ZNF770: variants seen among roughly 807,000 people sequenced by gnomAD.
The protein encoded by ZNF770 is zinc finger protein 770.
A neutral mutation model predicts 44.8 loss-of-function variants in ZNF770; 13 were observed. The ratio of observed to expected loss-of-function variants is 0.29; its 90% confidence interval spans 0.19 to 0.46. ZNF770 has a LOEUF of 0.46. Ranked by LOEUF, ZNF770 falls within the 20% of genes least tolerant of loss-of-function variation. The pLI, the probability that ZNF770 is intolerant of heterozygous loss-of-function variation, is 1.00. For synonymous variants in ZNF770, 304 were observed against 271.8 expected (o/e 1.12, Z -1.17); for missense variants, 681 against 797.9 (o/e 0.85, Z 1.77).
rs1472838664 is a variant in ZNF770, at chr15:34,988,234, G to A, written c.-292C>T. ...GAGGGCCCGGGAGGCACGCACCTCA[G>A]GCCCAGGTGCCGCGAAGGCAGCGCG... On this transcript the variant is annotated 5_prime_UTR_variant, in exon 1 of 3. Coordinates refer to ENST00000356321, the MANE Select transcript of ZNF770 (RefSeq NM_014106.4). The A allele has an allele frequency of 6.6e-6, 1 of 152,200 alleles. No individual in the cohort carries two copies. The highest frequency in any genetic ancestry group is 1.5e-5 in the Non-Finnish European group (1 of 68,048). The allele number at this position is 152,200 out of a possible 1,614,324, so 9.4% of individuals were successfully genotyped here. A position where few individuals can be genotyped will look rare whatever the true frequency, so the allele number is the denominator to read the frequency against.
At position 34,983,500 on chromosome 15, in the gene ZNF770, A is replaced by G; in HGVS notation, c.-56-10T>C. 1 of 1,251,942 alleles carries G rather than the reference A, an allele frequency of 8.0e-7. No homozygotes were observed. The highest frequency in any genetic ancestry group is 1.0e-6 in the Non-Finnish European group (1 of 958,850). 77.6% of individuals were successfully genotyped at this position (1,251,942 alleles called of 1,614,324 possible). A position where few individuals can be genotyped will look rare whatever the true frequency, so the allele number is the denominator to read the frequency against. ...TAAATTCCACAGATGTCTAAAAATT[A>G]AAGGAAAAAAAGTATTAATTTTAAA... On this transcript the variant is annotated splice_polypyrimidine_tract_variant and intron_variant, in intron 2 of 2. Coordinates refer to ENST00000356321, the MANE Select transcript of ZNF770 (RefSeq NM_014106.4).
Position 34,981,412 on chromosome 15 carries a change from G to T in ZNF770, c.2023C>A (p.His675Asn), listed in dbSNP as rs1393573534. The part of the protein sequence containing the change: ...APHWKRHQLT[H>N]FKERPQGKVV... ...TTCCCTTGTGGTCGTTCTTTAAAGT[G>T]AGTAAGCTGATGTCTCTTCCAGTGA... The change falls in exon 3 of 3, where the codon CAC (histidine) becomes AAC (asparagine). Residue 675 changes from histidine to asparagine, a missense_variant. Physicochemically the swap from His to Asn is moderately conservative, Grantham distance 68. Coordinates refer to ENST00000356321, the MANE Select transcript of ZNF770 (RefSeq NM_014106.4). 6.2e-7 allele frequency: 1 copy of T among 1,613,792 alleles called. No individual in the cohort carries two copies. Among genetic ancestry groups the T allele is most frequent in the Non-Finnish European group, 8.5e-7 (1 of 1,180,004 alleles).
At chr15:34,986,274 A>G (rs12439825) in intron 2 of ZNF770, among the ~76,000 whole-genome samples, 65,484 of 152,122 alleles carry the variant, frequency 0.43, 17,552 homozygotes, top group African/African-American at 0.77. Flanking sequence ...AATCCACGCA[A>G]AATAAAACAA....
At position 34,983,096 on chromosome 15, in the gene ZNF770, C is replaced by T. The variant is rs748600931; in HGVS notation, c.339G>A (p.Gln113=). The T allele has an allele frequency of 6.2e-7, 1 of 1,614,028 alleles. No homozygotes were observed. Among genetic ancestry groups the T allele is most frequent in the South Asian group, 1.1e-5 (1 of 91,068 alleles). ...HNETYQNNVK[Q]VRRLLEAKQE... Reference sequence around the variant, plus strand: ...GCTTGGCCTCCAGCAATCTTCTGACCTGTTTAACATTATTCTGATAGGTTT... The same window carrying T: ...GCTTGGCCTCCAGCAATCTTCTGACTTGTTTAACATTATTCTGATAGGTTT... The change falls in exon 3 of 3, where the codon CAG becomes CAA. Residue 113 remains glutamine, a synonymous_variant. Transcript: ENST00000356321.
Position 34,983,011 on chromosome 15 carries a change from G to A in ZNF770, c.424C>T (p.His142Tyr), listed in dbSNP as rs745965735. 1.2e-6 allele frequency: 2 copies of A among 1,613,904 alleles called. No individual in the cohort carries two copies. Among genetic ancestry groups the A allele is most frequent in the Non-Finnish European group, 1.7e-6 (2 of 1,179,954 alleles). Residue 142 changes from histidine to tyrosine, a missense_variant, in exon 3 of 3, where the codon CAC becomes TAC. By Grantham distance (83) the His-to-Tyr change is moderately conservative. Transcript: ENST00000356321. ...TFTTEERWAL[H>Y]PCSKSDPMYS... Reference sequence around the variant, plus strand: ...ATGGGATCAGACTTAGAGCACGGGTGTAATGCCCATCTTTCCTCTGTGGTA... The same window carrying A: ...ATGGGATCAGACTTAGAGCACGGGTATAATGCCCATCTTTCCTCTGTGGTA...
At chr15:34,985,651 T>C (rs2050429509) in intron 2 of ZNF770, among the ~76,000 whole-genome samples, 1 of 152,138 alleles carries the variant, frequency 6.6e-6, no homozygotes, top group South Asian at 2.1e-4. Flanking sequence ...TCCCAGCACT[T>C]TGTGAGGCCG....
chr15:34,987,022 G>A (rs910306397), intron 2 of ZNF770, among the ~76,000 whole-genome samples: 1 of 152,230 alleles, frequency 6.6e-6, no homozygotes, highest in African/African-American at 2.4e-5. Context: ...CCAATGTCAG[G>A]ACTGAATGAT....
intron 2 of ZNF770, among the ~76,000 whole-genome samples, chr15:34,984,202 T>C (rs1338941954): frequency 1.3e-5 from 2 of 152,178 alleles, no homozygotes; most frequent in Non-Finnish European, 2.9e-5. Flanking sequence ...TCAATGGAGA[T>C]AATGTATATG....
At chr15:34,985,462 G>T (rs143500397) in intron 2 of ZNF770, among the ~76,000 whole-genome samples, 2 of 151,874 alleles carry the variant, frequency 1.3e-5, no homozygotes, top group Non-Finnish European at 2.9e-5. Context: ...TTAGCAATGT[G>T]AATCAGAAAC....
chr15:34,983,455 G>A lies in ZNF770; in HGVS notation c.-21C>T, dbSNP rs771472555. Reference sequence around the variant, plus strand: ...ATCATATTCTTCAATGATATACTCTGATGAGCTCCATACTGTTCTTAAATT... The same window carrying A: ...ATCATATTCTTCAATGATATACTCTAATGAGCTCCATACTGTTCTTAAATT... On this transcript the variant is annotated 5_prime_UTR_variant, in exon 3 of 3. Transcript: ENST00000356321. The A allele has an allele frequency of 1.3e-6, 2 of 1,517,708 alleles. No homozygotes were observed. Among genetic ancestry groups the A allele is most frequent in the Non-Finnish European group, 1.8e-6 (2 of 1,132,808 alleles). 94.0% of individuals were successfully genotyped at this position (1,517,708 alleles called of 1,614,324 possible). A position where few individuals can be genotyped will look rare whatever the true frequency, so the allele number is the denominator to read the frequency against.
At chr15:34,984,251 G>A (rs1479173433) in intron 2 of ZNF770, among the ~76,000 whole-genome samples, 1 of 152,130 alleles carries the variant, frequency 6.6e-6, no homozygotes, top group East Asian at 1.9e-4. Flanking sequence ...ATAAATCTAA[G>A]GAACTATTTA....
chr15:34,987,130 A>T (rs1252635913), intron 2 of ZNF770, among the ~76,000 whole-genome samples: 2 of 152,288 alleles, frequency 1.3e-5, no homozygotes, highest in Non-Finnish European at 1.5e-5. Flanking sequence ...AAAGAAAAAA[A>T]TCACACACCA....
chr15:34,982,186 T>C lies in ZNF770; in HGVS notation c.1249A>G (p.Lys417Glu). ...TLPFSWQNMG[K>E]NLKGILTTEN... ...GTCGTAAGGATGCCTTTCAAATTTT[T>C]TCCCATATTTTGCCAAGAAAATGGC... Residue 417 changes from lysine (K) to glutamate (E), a missense_variant, in exon 3 of 3, where the codon AAA (lysine) becomes GAA (glutamate). Transcript: ENST00000356321. 1.2e-6 allele frequency: 2 copies of C among 1,612,796 alleles called. No homozygotes were observed. Among genetic ancestry groups the C allele is most frequent in the Non-Finnish European group, 1.7e-6 (2 of 1,179,718 alleles).
chr15:34,981,041 TA>T lies in ZNF770; in HGVS notation c.*317del, dbSNP rs998232116. On this transcript the variant is annotated 3_prime_UTR_variant, in exon 3 of 3. Coordinates refer to ENST00000356321, the MANE Select transcript of ZNF770 (RefSeq NM_014106.4). ...GGCATGTCTTAAGGAATAATTCCTT[TA>T]AAAAATGAATGAGGCTAAATTATTT... The T allele has an allele frequency of 1.6e-5, 4 of 248,746 alleles. No homozygotes were observed. The highest frequency in any genetic ancestry group is 1.0e-4 in the Admixed American group (2 of 20,048). The allele number at this position is 248,746 out of a possible 1,614,324, so 15.4% of individuals were successfully genotyped here.
intron 2 of ZNF770, among the ~76,000 whole-genome samples, chr15:34,987,260 C>G (rs905573606): frequency 3.9e-5 from 6 of 152,180 alleles, no homozygotes; most frequent in African/African-American, 1.4e-4. Context: ...TGCCTCCCAC[C>G]ACGTGGAAAA....
intron 2 of ZNF770, among the ~76,000 whole-genome samples, chr15:34,985,209 A>G (rs1270649722): frequency 6.6e-6 from 1 of 151,854 alleles, no homozygotes; most frequent in Non-Finnish European, 1.5e-5. Flanking sequence ...AGAGAAGCCA[A>G]TTTTCTTTTC....
rs1272381979 is a variant in ZNF770, at chr15:34,981,531, C to G, written c.1904G>C (p.Arg635Pro). 1 of 1,614,064 alleles carries G rather than the reference C, an allele frequency of 6.2e-7. No individual in the cohort carries two copies. The highest frequency in any genetic ancestry group is 8.5e-7 in the Non-Finnish European group (1 of 1,180,040). The change falls in exon 3 of 3, where the codon CGA becomes CCA. Residue 635 changes from arginine to proline, a missense_variant. Transcript: ENST00000356321. ...YRCSVCAKSF[R>P]SPSKLERHYL... ...GTGTCTTTCCAGTTTAGATGGAGATCGGAAACTTTTAGCACAAACACTGCA... is the reference window on the plus strand; with the variant it reads ...GTGTCTTTCCAGTTTAGATGGAGATGGGAAACTTTTAGCACAAACACTGCA...
chr15:34,981,406 T>G lies in ZNF770; in HGVS notation c.2029A>C (p.Lys677Gln). ...HWKRHQLTHF[K>Q]ERPQGKVVAL... ...ACCACTTTCCCTTGTGGTCGTTCTT[T>G]AAAGTGAGTAAGCTGATGTCTCTTC... The change falls in exon 3 of 3, where the codon AAA (lysine) becomes CAA (glutamine). Residue 677 changes from lysine to glutamine, a missense_variant. Transcript: ENST00000356321. 1 of 1,613,640 alleles carries G rather than the reference T, an allele frequency of 6.2e-7. No homozygotes were observed. The highest frequency in any genetic ancestry group is 8.5e-7 in the Non-Finnish European group (1 of 1,180,010).
rs2050447647 is a variant in ZNF770, at chr15:34,988,173, G to C, written c.-231C>G. ...TGGGGGTCGCTCCACTTCTCAGTCG[G>C]GTTTCTGAAGTCCTCCTCACGCATC... On this transcript the variant is annotated 5_prime_UTR_variant, in exon 1 of 3. Coordinates refer to ENST00000356321, the MANE Select transcript of ZNF770 (RefSeq NM_014106.4). 1 of 152,220 alleles carries C rather than the reference G, an allele frequency of 6.6e-6. No homozygotes were observed. Among genetic ancestry groups the C allele is most frequent in the Admixed American group, 6.5e-5 (1 of 15,282 alleles). 9.4% of individuals were successfully genotyped at this position (152,220 alleles called of 1,614,324 possible).
Sources: allele counts gnomAD v4.1 joint callset (sites outside exome capture counted in the v4.1 genomes callset), GRCh38; gene constraint gnomAD v4.1.1; transcripts MANE v1.5; gene names NCBI Gene and HGNC (gene_info 2026-07-23, HGNC 2026-07-21).